Variants in FSTL5 observed in about 807,000 individuals in gnomAD.
The protein encoded by FSTL5 is follistatin like 5, also known as follistatin-related protein 5.
Under a neutral mutation model 89.1 loss-of-function variants are expected in FSTL5, and 62 were observed. The observed-to-expected ratio is 0.70, with a 90% CI of 0.57 to 0.86. The LOEUF (loss-of-function observed/expected upper bound fraction) is 0.86, where lower values mean the gene tolerates loss of function less well. Ranked by LOEUF, FSTL5 falls within the 40% of genes least tolerant of loss-of-function variation. The pLI, the probability that FSTL5 is intolerant of heterozygous loss-of-function variation, is 0.00. For synonymous variants in FSTL5, 383 were observed against 346.2 expected (o/e 1.11, Z -1.18); for missense variants, 1,057 against 1,001.6 (o/e 1.06, Z -0.75).
chr4:161,677,437 TA>T (rs1463544329), intron 6 of FSTL5, among the ~76,000 whole-genome samples: 1 of 152,068 alleles, frequency 6.6e-6, no homozygotes, highest in East Asian at 1.9e-4. Context: ...ATGCTGTTTT[TA>T]TTCCTTTTTA....
At chr4:161,595,259 A>C (rs749831176) in intron 7 of FSTL5, among the ~76,000 whole-genome samples, 1 of 152,068 alleles carries the variant, frequency 6.6e-6, no homozygotes, top group Non-Finnish European at 1.5e-5. Flanking sequence ...TATGATGTTG[A>C]GGCTCAGCCA....
chr4:162,076,713 G>A (rs1333004002), intron 2 of FSTL5, among the ~76,000 whole-genome samples: 1 of 151,738 alleles, frequency 6.6e-6, no homozygotes, highest in African/African-American at 2.4e-5. Context: ...AATCGGCACT[G>A]TAATACAGAA....
chr4:162,102,671 A>G (rs1242587395), intron 2 of FSTL5, among the ~76,000 whole-genome samples: 1 of 145,616 alleles, frequency 6.9e-6, no homozygotes, highest in Non-Finnish European at 1.5e-5. Context: ...ATATAAAAAT[A>G]TGTATAACAT....
chr4:161,714,122 T>A (rs1738894349), intron 6 of FSTL5, among the ~76,000 whole-genome samples: 1 of 152,204 alleles, frequency 6.6e-6, no homozygotes, highest in South Asian at 2.1e-4. Context: ...TTTTTTGAAT[T>A]GTTTCCTTTC....
chr4:161,995,909 C>T (rs1210721865), intron 3 of FSTL5, among the ~76,000 whole-genome samples: 1 of 151,864 alleles, frequency 6.6e-6, no homozygotes, highest in East Asian at 1.9e-4. Flanking sequence ...AATCTTGTTA[C>T]TCTCCAGAAA....
intron 7 of FSTL5, among the ~76,000 whole-genome samples, chr4:161,642,727 G>A (rs1246834712): frequency 2.6e-5 from 4 of 152,126 alleles, no homozygotes; most frequent in Non-Finnish European, 5.9e-5. Context: ...TATAATTTTA[G>A]TCATATGAAC....
chr4:161,613,961 CTATA>C (rs1734750096), intron 7 of FSTL5, among the ~76,000 whole-genome samples: 1 of 152,022 alleles, frequency 6.6e-6, no homozygotes, highest in Non-Finnish European at 1.5e-5. Flanking sequence ...TTTCGAATCA[CTATA>C]TATTACATTT....
intron 10 of FSTL5, among the ~76,000 whole-genome samples, chr4:161,516,271 T>G (rs1400734965): frequency 6.7e-6 from 1 of 149,172 alleles, no homozygotes; most frequent in African/African-American, 2.4e-5. Context: ...AACAGCTGCT[T>G]CTATATTGGA....
At chr4:162,011,728 C>T (rs938098663) in intron 3 of FSTL5, among the ~76,000 whole-genome samples, 6 of 152,072 alleles carry the variant, frequency 3.9e-5, no homozygotes, top group Middle Eastern at 3.2e-3. Flanking sequence ...AACTCCTGAC[C>T]GCAGGTGATC....
In FSTL5 at chr4:161,573,518, C is replaced by T. The variant is rs150580783; in HGVS notation, c.1015+13937G>A. On this transcript the variant is annotated intron_variant, in intron 8 of 15. Transcript: ENST00000306100. ...CTTTGGGAGGCCGAGGGTGGATCAC[C>T]TGAGGTCGGGAGTTCGCTACCAGCC... Among the ~76,000 whole-genome samples the T allele has an allele frequency of 7.9e-3, 1,165 of 147,882 alleles. 13 individuals are homozygous for T. The highest frequency in any genetic ancestry group is 0.012 in the Non-Finnish European group (838 of 67,136).
Position 161,779,787 on chromosome 4 carries a change from A to ATG in FSTL5, c.410-3714_410-3713insCA, listed in dbSNP as rs1186269030. On this transcript the variant is annotated intron_variant, in intron 4 of 15. Transcript: ENST00000306100. ...TATATATATATATGTATATATATAT[A>ATG]TATATATATATATATATATATATGT... 6.1e-3 allele frequency among the ~76,000 whole-genome samples: 184 copies of ATG among 30,100 alleles called. 8 individuals are homozygous for ATG. The East Asian group carries it at 0.15, about 25-fold the overall frequency. 19.7% of individuals were successfully genotyped at this position (30,100 alleles called of 152,430 possible).
chr4:161,501,980 G>A (rs950116263), intron 11 of FSTL5, among the ~76,000 whole-genome samples: 1 of 151,808 alleles, frequency 6.6e-6, no homozygotes, highest in African/African-American at 2.4e-5. Flanking sequence ...ACCATAATGT[G>A]GTGTCTGATT....
intron 3 of FSTL5, among the ~76,000 whole-genome samples, chr4:161,951,736 C>T (rs1011530948): frequency 2.0e-5 from 3 of 151,866 alleles, no homozygotes; most frequent in Non-Finnish European, 4.4e-5. Flanking sequence ...GTATTAAGAT[C>T]TATTACTTTT....
At chr4:161,791,599 C>T (rs1452199706) in intron 4 of FSTL5, among the ~76,000 whole-genome samples, 4 of 151,740 alleles carry the variant, frequency 2.6e-5, no homozygotes, top group Non-Finnish European at 4.4e-5. Context: ...AATAGCACGC[C>T]GTGGGTCACA....
chr4:161,573,526 G>A (rs1202745832), intron 8 of FSTL5, among the ~76,000 whole-genome samples: 3 of 138,444 alleles, frequency 2.2e-5, no homozygotes, highest in East Asian at 2.0e-4. Flanking sequence ...ACCTGAGGTC[G>A]GGAGTTCGCT....
At chr4:161,907,241 C>T in intron 4 of FSTL5, among the ~76,000 whole-genome samples, 1 of 152,102 alleles carries the variant, frequency 6.6e-6, no homozygotes, top group Non-Finnish European at 1.5e-5. Context: ...TCTCTACAAA[C>T]TTACATGCTC....
chr4:161,500,652 T>C (rs1312487539), intron 11 of FSTL5, among the ~76,000 whole-genome samples: 1 of 152,174 alleles, frequency 6.6e-6, no homozygotes, highest in Admixed American at 6.6e-5. Flanking sequence ...TCAAAATAAT[T>C]CTAAATAGAG....
At chr4:161,968,163 T>A (rs1240643110) in intron 3 of FSTL5, among the ~76,000 whole-genome samples, 1 of 152,066 alleles carries the variant, frequency 6.6e-6, no homozygotes, top group Admixed American at 6.6e-5. Context: ...ATCAATTTCC[T>A]CATCTGTAAA....
intron 4 of FSTL5, among the ~76,000 whole-genome samples, chr4:161,792,422 C>T (rs1228733172): frequency 6.6e-6 from 1 of 152,116 alleles, no homozygotes; most frequent in Non-Finnish European, 1.5e-5. Context: ...TGGAAAGAAG[C>T]TGGTGTCTGG....
Sources: gnomAD v4.1 joint callset for allele counts (sites outside exome capture counted in the v4.1 genomes callset) on GRCh38, gnomAD v4.1.1 for gene constraint, MANE v1.5 for transcripts, NCBI Gene and HGNC (gene_info 2026-07-23, HGNC 2026-07-21) for gene names.